KCNB2: variants seen among roughly 807,000 people sequenced by gnomAD.
KCNB2 encodes delayed rectifier potassium channel protein.
Under a neutral mutation model 61.5 loss-of-function variants are expected in KCNB2, and 15 were observed. The ratio of observed to expected loss-of-function variants is 0.24; its 90% CI spans 0.16 to 0.38. KCNB2 has a LOEUF of 0.38. Among genes scored for constraint, KCNB2 ranks in the 10% least tolerant of loss-of-function variants. The pLI, the probability that KCNB2 is intolerant of heterozygous loss-of-function variation, is 1.00. For missense variants in KCNB2, 828 were observed against 1,125.2 expected, an observed-to-expected ratio of 0.74 and a Z score of 3.78; for synonymous variants, 457 against 446.0, an observed-to-expected ratio of 1.02 and a Z score of -0.31.
intron 2 of KCNB2, among the ~76,000 whole-genome samples, chr8:72,734,982 T>C (rs996543891): frequency 6.6e-6 from 1 of 152,178 alleles, no homozygotes; most frequent in African/African-American, 2.4e-5. Context: ...GGGAATTTGA[T>C]AGGTGGCTTC....
chr8:72,772,627 C>G (rs918151327), intron 2 of KCNB2, among the ~76,000 whole-genome samples: 2 of 152,152 alleles, frequency 1.3e-5, no homozygotes, highest in African/African-American at 4.8e-5. Flanking sequence ...CAGGTCTTTT[C>G]TGGTCATGTT....
chr8:72,800,854 G>A (rs148076351), intron 2 of KCNB2, among the ~76,000 whole-genome samples: 16 of 152,262 alleles, frequency 1.1e-4, no homozygotes, highest in Non-Finnish European at 1.5e-4. Flanking sequence ...TCTTAAAGTG[G>A]TAGAGTTTGG....
intron 2 of KCNB2, among the ~76,000 whole-genome samples, chr8:72,840,200 G>T (rs1809856696): frequency 6.6e-6 from 1 of 152,050 alleles, no homozygotes; most frequent in Non-Finnish European, 1.5e-5. Context: ...TGAGAACGAT[G>T]GTTTCCACCT....
At chr8:72,654,256 C>G (rs982155465) in intron 2 of KCNB2, among the ~76,000 whole-genome samples, 1 of 152,198 alleles carries the variant, frequency 6.6e-6, no homozygotes, top group Admixed American at 6.6e-5. Flanking sequence ...AGATACCTCA[C>G]TGGGGCCATT....
At chr8:72,609,714 A>G (rs1805507998) in intron 2 of KCNB2, among the ~76,000 whole-genome samples, 1 of 152,218 alleles carries the variant, frequency 6.6e-6, no homozygotes, top group Non-Finnish European at 1.5e-5. Context: ...TCAACTTAGT[A>G]TAATTTTATC....
At chr8:72,784,100 G>T (rs146429180) in intron 2 of KCNB2, among the ~76,000 whole-genome samples, 1 of 152,060 alleles carries the variant, frequency 6.6e-6, no homozygotes, top group Non-Finnish European at 1.5e-5. Flanking sequence ...ATATATTCAA[G>T]ATATACAATG....
intron 1 of KCNB2, among the ~76,000 whole-genome samples, chr8:72,563,010 A>T (rs1806560912): frequency 6.6e-6 from 1 of 152,246 alleles, no homozygotes; most frequent in African/African-American, 2.4e-5. Context: ...ATAGAAAATC[A>T]ACTAAACACT....
At chr8:72,817,865 G>A (rs890957426) in intron 2 of KCNB2, among the ~76,000 whole-genome samples, 78 of 151,976 alleles carry the variant, frequency 5.1e-4, no homozygotes, top group African/African-American at 1.6e-3. Flanking sequence ...ATTCTCAGTC[G>A]TTCTAAAATC....
chr8:72,556,013 C>T (rs934039101), intron 1 of KCNB2, among the ~76,000 whole-genome samples: 1 of 152,078 alleles, frequency 6.6e-6, no homozygotes, highest in African/African-American at 2.4e-5. Flanking sequence ...CTGTTATATA[C>T]TGTTGCAACC....
intron 2 of KCNB2, among the ~76,000 whole-genome samples, chr8:72,867,477 T>A (rs1159533182): frequency 1.3e-5 from 2 of 152,020 alleles, no homozygotes; most frequent in Non-Finnish European, 2.9e-5. Context: ...GGGAGACCCT[T>A]TCTCCACCAA....
intron 2 of KCNB2, among the ~76,000 whole-genome samples, chr8:72,735,827 A>T (rs1220999735): frequency 6.6e-6 from 1 of 152,130 alleles, no homozygotes; most frequent in Non-Finnish European, 1.5e-5. Flanking sequence ...ATCCAACAAG[A>T]TTGCTGTTAA....
intron 2 of KCNB2, among the ~76,000 whole-genome samples, chr8:72,780,275 TGA>T (rs1173119300): frequency 6.6e-6 from 1 of 152,224 alleles, no homozygotes; most frequent in Admixed American, 6.5e-5. Context: ...AATGTGATCT[TGA>T]AATCATTTTA....
chr8:72,591,392 C>T (rs1585771008), intron 2 of KCNB2, among the ~76,000 whole-genome samples: 1 of 152,028 alleles, frequency 6.6e-6, no homozygotes, highest in Non-Finnish European at 1.5e-5. Flanking sequence ...GCCTAATATA[C>T]CTTAATAGTC....
intron 2 of KCNB2, among the ~76,000 whole-genome samples, chr8:72,629,870 A>G (rs2128984871): frequency 6.6e-6 from 1 of 152,344 alleles, no homozygotes; most frequent in South Asian, 2.1e-4. Context: ...AGGTAAGGAA[A>G]CTGAGCCTAG....
intron 2 of KCNB2, among the ~76,000 whole-genome samples, chr8:72,763,960 G>A (rs1159623798): frequency 6.6e-6 from 1 of 152,074 alleles, no homozygotes; most frequent in East Asian, 1.9e-4. Context: ...AATATACAAG[G>A]CACAGGCACA....
chr8:72,589,397 G>C (rs1413603365), intron 2 of KCNB2, among the ~76,000 whole-genome samples: 1 of 152,164 alleles, frequency 6.6e-6, no homozygotes, highest in Non-Finnish European at 1.5e-5. Context: ...TATCTTTTCA[G>C]CATATGCTCT....
chr8:72,845,824 C>A (rs540523409), intron 2 of KCNB2, among the ~76,000 whole-genome samples: 3 of 152,254 alleles, frequency 2.0e-5, no homozygotes, highest in Admixed American at 2.0e-4. Flanking sequence ...AGACTTCAGA[C>A]TGCTGTGCTG....
At chr8:72,541,910 G>C (rs1337236591) in intron 1 of KCNB2, among the ~76,000 whole-genome samples, 1 of 151,816 alleles carries the variant, frequency 6.6e-6, no homozygotes, top group African/African-American at 2.4e-5. Flanking sequence ...AGAATTATTT[G>C]TTTTTTAAAA....
chr8:72,752,112 G>A (rs895713835), intron 2 of KCNB2, among the ~76,000 whole-genome samples: 5 of 152,188 alleles, frequency 3.3e-5, no homozygotes, highest in Admixed American at 2.6e-4. Context: ...GGCTTGGATG[G>A]CCAGGTGGTA....
Sources: gnomAD v4.1 joint callset for allele counts (sites outside exome capture counted in the v4.1 genomes callset) on GRCh38, gnomAD v4.1.1 for gene constraint, MANE v1.5 for transcripts, NCBI Gene and HGNC (gene_info 2026-07-23, HGNC 2026-07-21) for gene names.